The following HDX variants were observed in gnomAD, a reference collection of about 807,000 sequenced individuals.
The protein encoded by HDX is chromosome X open reading frame 43.
In HDX, 19 loss-of-function variants were observed where a neutral mutation model predicts 45.2. That is an observed-to-expected ratio of 0.42 (90% CI 0.29 to 0.62). The LOEUF is 0.62. Ranked by LOEUF, HDX falls within the 20% of genes least tolerant of loss-of-function variation. The pLI is 0.20. For synonymous variants in HDX, 188 were observed against 172.8 expected (o/e 1.09, Z -0.69); for missense variants, 532 against 493.9 (o/e 1.08, Z -0.73).
chrX:84,338,647 C>CTA (rs1483055215), intron 7 of HDX, among the ~76,000 whole-genome samples: 2 of 109,912 alleles, frequency 1.8e-5, no homozygotes, highest in African/African-American at 3.3e-5. Flanking sequence ...TTTTTTTTCT[C>CTA]TATCTGTTTA....
intron 5 of HDX, among the ~76,000 whole-genome samples, chrX:84,431,511 CTCT>C (rs1341842894): frequency 1.8e-5 from 2 of 111,332 alleles, no homozygotes; most frequent in Non-Finnish European, 3.8e-5. Context: ...TCTCCAGCAT[CTCT>C]TATGTTTTGA....
At chrX:84,339,230 C>G (rs963161015) in intron 7 of HDX, among the ~76,000 whole-genome samples, 7 of 111,157 alleles carry the variant, frequency 6.3e-5, no homozygotes, top group African/African-American at 2.3e-4. Context: ...GACAGAGGAG[C>G]CTTTACCTAC....
chrX:84,459,031 A>G (rs1030535395), intron 4 of HDX, among the ~76,000 whole-genome samples: 3 of 112,583 alleles, frequency 2.7e-5, no homozygotes, highest in African/African-American at 9.7e-5. Context: ...TATATCAAGT[A>G]TCTCCTCTGG....
chrX:84,465,557 A>G (rs769624618), intron 4 of HDX, among the ~76,000 whole-genome samples: 1 of 112,120 alleles, frequency 8.9e-6, no homozygotes, highest in South Asian at 3.7e-4. Flanking sequence ...ATTCTCAGCA[A>G]ACTAACACAA....
Position 84,475,387 on chromosome X carries a change from C to A in HDX, c.11G>T (p.Arg4Leu), listed in dbSNP as rs754085293. The A allele has an allele frequency of 2.6e-5, 29 of 1,106,731 alleles. No homozygotes were observed. Among genetic ancestry groups the A allele is most frequent in the East Asian group, 3.1e-5 (1 of 31,957 alleles). The allele number at this position is 1,106,731 out of a possible 1,213,427, so 91.2% of individuals were successfully genotyped here. Residue 4 changes from arginine to leucine, a missense_variant, in exon 3 of 11, where the codon CGT becomes CTT. Physicochemically the swap from Arg to Leu is moderately radical, Grantham distance 102 (BLOSUM62 -2). Coordinates refer to ENST00000373177, the MANE Select transcript of HDX (RefSeq NM_001177479.2). ...TTGTTGTTCTACAGTAAATACAGAACGTAGATTCATCTAAAAATAAAAGAA... is the reference window on the plus strand; with the variant it reads ...TTGTTGTTCTACAGTAAATACAGAAAGTAGATTCATCTAAAAATAAAAGAA... MNLRSVFTVEQQRI... is the reference protein window; with the variant it reads MNLLSVFTVEQQRI...
At position 84,414,938 on chromosome X, in the gene HDX, A is replaced by T. The variant is rs551886702; in HGVS notation, c.1305+25594T>A. Among the ~76,000 whole-genome samples the T allele has an allele frequency of 1.6e-4, 18 of 112,480 alleles. No individual in the cohort carries two copies. The South Asian group carries it at 2.9e-3, about 18-fold the overall frequency. The stretch of plus-strand genomic sequence containing the variant: ...TTTATTACTAAAGACTCATAGTCTT[A>T]TGTGAGTATCATAAGGAAACATAGT... On this transcript the variant is annotated intron_variant, in intron 5 of 10. Coordinates refer to ENST00000373177, the MANE Select transcript of HDX (RefSeq NM_001177479.2).
intron 5 of HDX, among the ~76,000 whole-genome samples, chrX:84,401,134 T>C (rs921840981): frequency 2.7e-5 from 3 of 112,027 alleles, no homozygotes; most frequent in Non-Finnish European, 5.6e-5. Flanking sequence ...ATTCAAGATA[T>C]AGGCATGGGA....
intron 4 of HDX, among the ~76,000 whole-genome samples, chrX:84,444,307 G>A (rs1045499424): frequency 4.5e-5 from 5 of 111,057 alleles, no homozygotes; most frequent in Non-Finnish European, 3.8e-5. Flanking sequence ...TAGCCATTGA[G>A]GGCATTCAAA....
intron 5 of HDX, among the ~76,000 whole-genome samples, chrX:84,436,770 T>A (rs1473210069): frequency 8.9e-6 from 1 of 111,819 alleles, no homozygotes; most frequent in Non-Finnish European, 1.9e-5. Context: ...GAATACACCA[T>A]GTGCTGATTA....
At chrX:84,443,634 A>G (rs1315244759) in intron 4 of HDX, among the ~76,000 whole-genome samples, 5 of 111,878 alleles carry the variant, frequency 4.5e-5, no homozygotes, top group Non-Finnish European at 9.4e-5. Flanking sequence ...AACTGAAAAT[A>G]TAACAGCCCC....
At chrX:84,450,105 T>A (rs866954633) in intron 4 of HDX, among the ~76,000 whole-genome samples, 3 of 105,594 alleles carry the variant, frequency 2.8e-5, no homozygotes, top group Non-Finnish European at 3.9e-5. Flanking sequence ...TAAAGTATAA[T>A]AAAAAAAAAG....
chrX:84,450,046 G>C (rs190227658), intron 4 of HDX, among the ~76,000 whole-genome samples: 330 of 110,395 alleles, frequency 3.0e-3, no homozygotes, highest in African/African-American at 0.01. Context: ...CATGGCACAT[G>C]TATACATATG....
At chrX:84,398,013 C>T (rs2038605490) in intron 5 of HDX, among the ~76,000 whole-genome samples, 1 of 110,157 alleles carries the variant, frequency 9.1e-6, no homozygotes, top group African/African-American at 3.3e-5. Flanking sequence ...CATCCTGGGA[C>T]TGACTAGGTA....
chrX:84,336,957 A>G lies in HDX; in HGVS notation c.1661-77T>C, dbSNP rs1173790908. 6.3e-6 allele frequency: 4 copies of G among 631,471 alleles called. No homozygotes were observed. The African/African-American group carries it at 9.1e-5, about 14-fold the overall frequency. 52.0% of individuals were successfully genotyped at this position (631,471 alleles called of 1,213,427 possible). On this transcript the variant is annotated intron_variant, in intron 7 of 10. Coordinates refer to ENST00000373177, the MANE Select transcript of HDX (RefSeq NM_001177479.2). ...GAATACTATTTTCAAGGTCATTTAAATAATTTCTCTATTATAAAAAGACAC... is the reference window on the plus strand; with the variant it reads ...GAATACTATTTTCAAGGTCATTTAAGTAATTTCTCTATTATAAAAAGACAC...
At chrX:84,469,720 AC>A in intron 3 of HDX, 145 bp from the exon 4 acceptor site, 1 of 483,195 alleles carries the variant, frequency 2.1e-6, no homozygotes. Flanking sequence ...TAACAGAAAA[AC>A]TGACTAAAGT....
At chrX:84,334,827 C>T (rs904395439) in intron 8 of HDX, among the ~76,000 whole-genome samples, 8 of 110,712 alleles carry the variant, frequency 7.2e-5, no homozygotes, top group Admixed American at 5.8e-4. Flanking sequence ...AGTCACTAGA[C>T]GGTCTTTTAA....
intron 5 of HDX, among the ~76,000 whole-genome samples, chrX:84,366,472 G>T (rs774107158): frequency 6.2e-4 from 69 of 111,631 alleles, no homozygotes; most frequent in African/African-American, 2.2e-3. Flanking sequence ...CACAAAATTA[G>T]AAAAAACTAC....
In HDX at chrX:84,353,447, G is replaced by T. The variant is rs1424329392; in HGVS notation, c.1452+8019C>A. Among the ~76,000 whole-genome samples, 5 of 111,406 alleles carry T rather than the reference G, an allele frequency of 4.5e-5. No homozygotes were observed. The South Asian group carries it at 1.2e-3, about 26-fold the overall frequency. ...CTCCTTGCCCCTTCTGCCATGAGAG[G>T]TTACAGCAAAAAGATAGCTGTCTAG... On this transcript the variant is annotated intron_variant, in intron 6 of 10. Coordinates refer to ENST00000373177, the MANE Select transcript of HDX (RefSeq NM_001177479.2).
At chrX:84,454,369 A>G (rs1240964391) in intron 4 of HDX, among the ~76,000 whole-genome samples, 2 of 111,333 alleles carry the variant, frequency 1.8e-5, no homozygotes, top group African/African-American at 3.3e-5. Context: ...AGTCTCAAGT[A>G]TGGCAATATT....
Sources: allele counts gnomAD v4.1 joint callset (sites outside exome capture counted in the v4.1 genomes callset), GRCh38; gene constraint gnomAD v4.1.1; transcripts MANE v1.5; gene names NCBI Gene and HGNC (gene_info 2026-07-23, HGNC 2026-07-21).